Variants in RABGAP1L observed in about 807,000 individuals in gnomAD.
The protein encoded by RABGAP1L is RAB GTPase activating protein 1 like, also known as rab GTPase-activating protein 1-like.
Under a neutral mutation model 137.7 loss-of-function variants are expected in RABGAP1L, and 63 were observed. That is an observed-to-expected ratio of 0.46 (90% confidence interval 0.37 to 0.56). RABGAP1L has a LOEUF of 0.56. Among genes scored for constraint, RABGAP1L ranks in the 20% least tolerant of loss-of-function variants. The pLI is 0.00. For missense variants in RABGAP1L, 1,095 were observed against 1,244.0 expected, an observed-to-expected ratio of 0.88 and a Z score of 1.80; for synonymous variants, 431 against 433.7, an observed-to-expected ratio of 0.99 and a Z score of 0.08.
At chr1:174,363,893 A>G (rs1684357046) in intron 11 of RABGAP1L, among the ~76,000 whole-genome samples, 1 of 109,414 alleles carries the variant, frequency 9.1e-6, no homozygotes, top group South Asian at 3.0e-4. Flanking sequence ...CCAGGGATAA[A>G]TCCCATTTGG....
intron 11 of RABGAP1L, among the ~76,000 whole-genome samples, chr1:174,339,915 A>G: frequency 6.6e-6 from 1 of 152,164 alleles, no homozygotes; most frequent in East Asian, 1.9e-4. Context: ...GAATGTAAAA[A>G]TATTTTATGA....
intron 11 of RABGAP1L, among the ~76,000 whole-genome samples, chr1:174,349,647 C>T (rs1341981769): frequency 8.1e-5 from 11 of 136,092 alleles, no homozygotes; most frequent in South Asian, 4.9e-4. Context: ...GACCCCCCCA[C>T]CTCCCTCCCG....
intron 11 of RABGAP1L, among the ~76,000 whole-genome samples, chr1:174,318,216 C>T (rs142632646): frequency 9.9e-5 from 15 of 152,228 alleles, no homozygotes; most frequent in African/African-American, 3.4e-4. Context: ...TTTCTATTCC[C>T]TATCTTCCTC....
At chr1:174,637,330 C>A in intron 13 of RABGAP1L, 45 bp from the exon 14 acceptor site, 2 of 1,355,388 alleles carry the variant, frequency 1.5e-6, no homozygotes, top group African/African-American at 1.5e-5. Context: ...TATTTCATAA[C>A]TGGGAAAAAA....
At chr1:174,764,013 C>A (rs1685469228) in intron 18 of RABGAP1L, among the ~76,000 whole-genome samples, 1 of 152,162 alleles carries the variant, frequency 6.6e-6, no homozygotes, top group Non-Finnish European at 1.5e-5. Flanking sequence ...TTTTCTATCT[C>A]TGTAGATTTA....
At chr1:174,660,647 C>T (rs1676311358) in intron 14 of RABGAP1L, among the ~76,000 whole-genome samples, 1 of 152,182 alleles carries the variant, frequency 6.6e-6, no homozygotes, top group African/African-American at 2.4e-5. Flanking sequence ...CTCTATCATG[C>T]ATTCTGTCCC....
At chr1:174,639,036 T>TA (rs541148505) in intron 14 of RABGAP1L, among the ~76,000 whole-genome samples, 3,493 of 130,472 alleles carry the variant, frequency 0.027, 63 homozygotes, top group Middle Eastern at 0.11. Flanking sequence ...TAAAGTGTAA[T>TA]AAAAAAAAAA....
chr1:174,613,289 T>C (rs1373663587), intron 13 of RABGAP1L, among the ~76,000 whole-genome samples: 2 of 152,220 alleles, frequency 1.3e-5, no homozygotes, highest in Admixed American at 1.3e-4. Flanking sequence ...AGTACATCTT[T>C]ATTTCTGCCT....
chr1:174,403,208 AGTGT>A lies in RABGAP1L; in HGVS notation c.1710+9100_1710+9103del, dbSNP rs201238291. Reference sequence around the variant, plus strand: ...GAAAGTGTATGTGGTTATATATGAGAGTGTGTGTGTGTGTGTGTGTGTGTGTGTG... The same window carrying A: ...GAAAGTGTATGTGGTTATATATGAGAGTGTGTGTGTGTGTGTGTGTGTGTG... On this transcript the variant is annotated intron_variant, in intron 13 of 25. Transcript: ENST00000681986. Among the ~76,000 whole-genome samples, 808 of 126,688 alleles carry A rather than the reference AGTGT, an allele frequency of 6.4e-3. 7 individuals carry two copies. The highest frequency in any genetic ancestry group is 0.027 in the East Asian group (123 of 4,568). The allele number at this position is 126,688 out of a possible 152,430, so 83.1% of individuals were successfully genotyped here.
intron 1 of RABGAP1L, among the ~76,000 whole-genome samples, chr1:174,171,392 T>A (rs1427424395): frequency 6.6e-6 from 1 of 152,194 alleles, no homozygotes; most frequent in Non-Finnish European, 1.5e-5. Context: ...CATGAAATGA[T>A]TTTTATGTTT....
intron 23 of RABGAP1L, among the ~76,000 whole-genome samples, chr1:174,980,177 T>A (rs1020733479): frequency 1.3e-5 from 2 of 152,150 alleles, no homozygotes; most frequent in Non-Finnish European, 2.9e-5. Flanking sequence ...GTATTGTTTA[T>A]CCTTTTTTTT....
intron 3 of RABGAP1L, among the ~76,000 whole-genome samples, chr1:174,228,049 A>T (rs761088138): frequency 2.6e-5 from 4 of 151,900 alleles, no homozygotes; most frequent in Non-Finnish European, 5.9e-5. Flanking sequence ...TTTACTGCAG[A>T]TCTTGTATTT....
intron 14 of RABGAP1L, among the ~76,000 whole-genome samples, chr1:174,652,062 C>T (rs567371980): frequency 6.6e-6 from 1 of 152,260 alleles, no homozygotes; most frequent in Admixed American, 6.5e-5. Flanking sequence ...ATTTGTTTGT[C>T]TGTAAAGTAT....
At chr1:174,878,303 C>T (rs1429123354) in intron 19 of RABGAP1L, among the ~76,000 whole-genome samples, 1 of 152,072 alleles carries the variant, frequency 6.6e-6, no homozygotes, top group Non-Finnish European at 1.5e-5. Flanking sequence ...CTTGGCTCAC[C>T]GCAGCCGTTG....
chr1:174,696,141 C>A (rs1679239868), intron 15 of RABGAP1L, among the ~76,000 whole-genome samples: 1 of 151,992 alleles, frequency 6.6e-6, no homozygotes, highest in African/African-American at 2.4e-5. Flanking sequence ...TCTTTCCATT[C>A]AGGGTAGCAG....
At chr1:174,596,763 G>T (rs1669963980) in intron 13 of RABGAP1L, among the ~76,000 whole-genome samples, 1 of 152,138 alleles carries the variant, frequency 6.6e-6, no homozygotes, top group Non-Finnish European at 1.5e-5. Context: ...TTGAATAACG[G>T]TGGTGAAAGT....
intron 13 of RABGAP1L, among the ~76,000 whole-genome samples, chr1:174,628,808 C>G (rs1176418361): frequency 6.6e-6 from 1 of 151,772 alleles, no homozygotes; most frequent in Non-Finnish European, 1.5e-5. Context: ...GACTTGTTCC[C>G]TCTTCTCATT....
chr1:174,394,965 T>C (rs929415904), intron 13 of RABGAP1L, among the ~76,000 whole-genome samples: 10 of 150,474 alleles, frequency 6.6e-5, no homozygotes, highest in Non-Finnish European at 1.5e-4. Flanking sequence ...TTTTTTTAAT[T>C]TAACTTTTTT....
chr1:174,778,539 T>C (rs1686712769), intron 18 of RABGAP1L, among the ~76,000 whole-genome samples: 1 of 152,162 alleles, frequency 6.6e-6, no homozygotes, highest in Non-Finnish European at 1.5e-5. Context: ...CTTTCTTTGC[T>C]TATCACTTTG....
Sources: allele counts gnomAD v4.1 joint callset (sites outside exome capture counted in the v4.1 genomes callset), GRCh38; gene constraint gnomAD v4.1.1; transcripts MANE v1.5; gene names NCBI Gene and HGNC (gene_info 2026-07-23, HGNC 2026-07-21).